The following ADSS2 variants were observed in gnomAD, a reference collection of about 807,000 sequenced individuals.
The protein encoded by ADSS2 is adenylosuccinate synthase 2, also known as adenylosuccinate synthetase isozyme 2.
ADSS2 carries 30 observed loss-of-function variants against 60.0 expected under a neutral mutation model. The observed-to-expected ratio is 0.50, with a 90% CI of 0.37 to 0.68. The LOEUF (loss-of-function observed/expected upper bound fraction) is 0.68, where lower values mean the gene tolerates loss of function less well. ADSS2 is among the 30% of genes least tolerant of loss of function. The pLI is 0.00. For synonymous variants in ADSS2, 187 were observed against 193.1 expected, an observed-to-expected ratio of 0.97 and a Z score of 0.26; for missense variants, 373 against 554.8, an observed-to-expected ratio of 0.67 and a Z score of 3.29.
Position 244,416,570 on chromosome 1 carries a change from T to C in ADSS2, c.1071-492A>G, listed in dbSNP as rs534447251. ...CCCAGCCTCAAGTGATCCTCCTGCC[T>C]CTCGGCCTCCCAAAGTGCTGGGATT... On this transcript the variant is annotated intron_variant, in intron 10 of 12. Transcript: ENST00000366535. Among the ~76,000 whole-genome samples the C allele has an allele frequency of 2.0e-5, 3 of 152,222 alleles. No individual in the cohort carries two copies. In the East Asian group the frequency reaches 5.8e-4, roughly 29 times the overall value.
At chr1:244,439,828 T>A (rs949788807) in intron 1 of ADSS2, among the ~76,000 whole-genome samples, 19 of 152,230 alleles carry the variant, frequency 1.2e-4, no homozygotes, top group Non-Finnish European at 4.4e-5. Context: ...AGGTTCTCAA[T>A]GCTAGGATGG....
chr1:244,441,270 G>A (rs561549001), intron 1 of ADSS2, among the ~76,000 whole-genome samples: 3 of 152,026 alleles, frequency 2.0e-5, no homozygotes, highest in East Asian at 3.9e-4. Context: ...ATGTTAGCCA[G>A]GATGGTCTCG....
At position 244,418,887 on chromosome 1, in the gene ADSS2, T is replaced by C; in HGVS notation, c.818A>G (p.Asn273Ser). 6.2e-7 allele frequency: 1 copy of C among 1,611,162 alleles called. No individual in the cohort carries two copies. Among genetic ancestry groups the C allele is most frequent in the Non-Finnish European group, 8.5e-7 (1 of 1,178,940 alleles). ...AGTACAAACACCTCCAACAGTACAA[T>C]TTGAAGAGGTTACAAAAGGGTAAGT... ...FGTYPFVTSS[N>S]CTVGGVCTGL... The change falls in exon 9 of 13, where the codon AAT becomes AGT. Residue 273 changes from asparagine (N) to serine (S), a missense_variant. Physicochemically the swap from Asn to Ser is conservative, Grantham distance 46. This residue lies in a region of ADSS2 where 28 missense variants were observed against 74.4 expected (regional missense o/e 0.38). Coordinates refer to ENST00000366535, the MANE Select transcript of ADSS2 (RefSeq NM_001126.5).
In ADSS2 at chr1:244,420,368, T is replaced by G. The variant is rs574365469; in HGVS notation, c.664-72A>C. On this transcript the variant is annotated intron_variant, in intron 7 of 12. Transcript: ENST00000366535. Reference sequence around the variant, plus strand: ...TTAACATAACCAGAACAAGAATAAATTACCTGACTTTATGACATGAAAACT... The same window carrying G: ...TTAACATAACCAGAACAAGAATAAAGTACCTGACTTTATGACATGAAAACT... 5.2e-6 allele frequency: 7 copies of G among 1,349,166 alleles called. No individual in the cohort carries two copies. In the African/African-American group the frequency reaches 8.7e-5, roughly 17 times the overall value. 83.6% of individuals were successfully genotyped at this position (1,349,166 alleles called of 1,614,324 possible). A position where few individuals can be genotyped will look rare whatever the true frequency, so the allele number is the denominator to read the frequency against.
chr1:244,444,514 C>CAAAAAAAAAAAAAAAAAAAAA (rs56001597), intron 1 of ADSS2, among the ~76,000 whole-genome samples: 12 of 42,548 alleles, frequency 2.8e-4, no homozygotes, highest in Non-Finnish European at 4.4e-4. Flanking sequence ...GACTCCATCT[C>CAAAAAAAAAAAAAAAAAAAAA]AAAAAAAAAA....
intron 10 of ADSS2, among the ~76,000 whole-genome samples, chr1:244,416,806 C>T (rs1664544444): frequency 6.6e-6 from 1 of 152,152 alleles, no homozygotes; most frequent in African/African-American, 2.4e-5. Context: ...TCACCTCTAC[C>T]CTTCTGGTCA....
intron 4 of ADSS2, chr1:244,424,895 C>T (rs74151388): frequency 0.03 from 4,562 of 153,642 alleles, 234 homozygotes; most frequent in African/African-American, 0.1. Context: ...ATTCACACCT[C>T]CCCTGCCCTT....
chr1:244,423,715 C>T (rs1664726853), intron 6 of ADSS2, among the ~76,000 whole-genome samples: 1 of 152,268 alleles, frequency 6.6e-6, no homozygotes, highest in South Asian at 2.1e-4. Flanking sequence ...TTAAATATAA[C>T]TCTGGCTTTG....
chr1:244,426,318 GGAA>G (rs752949118), intron 4 of ADSS2, among the ~76,000 whole-genome samples: 3 of 152,236 alleles, frequency 2.0e-5, no homozygotes, highest in Non-Finnish European at 2.9e-5. Context: ...AATGGTTGAT[GGAA>G]AGCAGGTGAA....
chr1:244,435,180 AAAAAAAAAAAAAAAAAAC>A (rs1558277122), intron 3 of ADSS2, among the ~76,000 whole-genome samples: 2 of 146,744 alleles, frequency 1.4e-5, no homozygotes, highest in African/African-American at 5.3e-5. Flanking sequence ...AAAAAAAAAA[AAAAAAAAAAAAAAAAAAC>A]AAACCTGAAC....
At chr1:244,417,792 G>C (rs746740541) in intron 9 of ADSS2, 40 bp from the exon 10 acceptor site, 21 of 1,589,300 alleles carry the variant, frequency 1.3e-5, no homozygotes, top group Non-Finnish European at 1.8e-5. Flanking sequence ...TAGAATAGCA[G>C]TGCTATATAT....
intron 11 of ADSS2, among the ~76,000 whole-genome samples, chr1:244,413,272 A>C (rs1056261697): frequency 6.6e-6 from 1 of 152,100 alleles, no homozygotes; most frequent in African/African-American, 2.4e-5. Context: ...AAAGTAATGA[A>C]CCATACTAAG....
intron 1 of ADSS2, among the ~76,000 whole-genome samples, chr1:244,449,366 T>C (rs951295849): frequency 2.0e-5 from 3 of 152,170 alleles, no homozygotes; most frequent in African/African-American, 7.2e-5. Context: ...ATGACATAAA[T>C]ATGGCAGAAT....
At position 244,447,564 on chromosome 1, in the gene ADSS2, C is replaced by T. The variant is rs188662034; in HGVS notation, c.183+4071G>A. Reference sequence around the variant, plus strand: ...GGAATAACTAGTTACTAGAACCCCACATGGTATTCAGTCGAAATATGTTGA... The same window carrying T: ...GGAATAACTAGTTACTAGAACCCCATATGGTATTCAGTCGAAATATGTTGA... On this transcript the variant is annotated intron_variant, in intron 1 of 12. Coordinates refer to ENST00000366535, the MANE Select transcript of ADSS2 (RefSeq NM_001126.5). 1.5e-3 allele frequency among the ~76,000 whole-genome samples: 225 copies of T among 152,282 alleles called. 2 individuals carry two copies. Among genetic ancestry groups the T allele is most frequent in the African/African-American group, 5.2e-3 (218 of 41,556 alleles).
intron 1 of ADSS2, among the ~76,000 whole-genome samples, chr1:244,443,480 T>C (rs1665299528): frequency 6.6e-6 from 1 of 152,258 alleles, no homozygotes; most frequent in African/African-American, 2.4e-5. Flanking sequence ...CTGGATCAAT[T>C]ATATCCAACA....
intron 1 of ADSS2, among the ~76,000 whole-genome samples, chr1:244,448,610 G>A (rs1321747717): frequency 6.6e-6 from 1 of 152,180 alleles, no homozygotes; most frequent in East Asian, 1.9e-4. Context: ...TTTGCTTAAA[G>A]CCTGGTATAA....
chr1:244,427,465 T>C (rs1443530003), intron 4 of ADSS2, among the ~76,000 whole-genome samples: 1 of 152,142 alleles, frequency 6.6e-6, no homozygotes. Flanking sequence ...AATCCAACCA[T>C]AGTGATAATT....
chr1:244,431,862 G>A (rs536039637), intron 4 of ADSS2, among the ~76,000 whole-genome samples: 1 of 152,200 alleles, frequency 6.6e-6, no homozygotes, highest in African/African-American at 2.4e-5. Flanking sequence ...GAGAAATACT[G>A]TAAGTATCTT....
chr1:244,426,132 G>A (rs1441984630), intron 4 of ADSS2, among the ~76,000 whole-genome samples: 3 of 152,116 alleles, frequency 2.0e-5, no homozygotes. Flanking sequence ...TTACTTGAGA[G>A]GCCAGAATAG....
Sources: gnomAD v4.1 joint callset for allele counts (sites outside exome capture counted in the v4.1 genomes callset) on GRCh38, gnomAD v4.1.1 for gene constraint, gnomAD v4.1.1 regional missense constraint, MANE v1.5 for transcripts, NCBI Gene and HGNC (gene_info 2026-07-23, HGNC 2026-07-21) for gene names.